ATP2B2: variants seen among roughly 807,000 people sequenced by gnomAD.
ATP2B2 encodes the protein ATPase plasma membrane Ca2+ transporting 2.
A neutral mutation model predicts 120.0 loss-of-function variants in ATP2B2; 15 were observed. The ratio of observed to expected loss-of-function variants is 0.12; its 90% CI spans 0.08 to 0.19. ATP2B2 has a LOEUF of 0.19. Ranked by LOEUF, ATP2B2 falls within the 10% of genes least tolerant of loss-of-function variation. The probability of loss-of-function intolerance (pLI) is 1.00; values close to 1 mark genes in which losing one functional copy is unlikely to be tolerated. For missense variants in ATP2B2, 1,045 were observed against 1,719.8 expected (o/e 0.61, Z 6.94); for synonymous variants, 694 against 700.3 (o/e 0.99, Z 0.14).
chr3:10,633,304 A>T (rs973125062), intron 1 of ATP2B2, among the ~76,000 whole-genome samples: 11 of 152,116 alleles, frequency 7.2e-5, no homozygotes, highest in African/African-American at 2.7e-4. Context: ...CCGCTTCCAA[A>T]AGGTTTCCAC....
At chr3:10,666,883 C>G (rs940447504) in intron 1 of ATP2B2, among the ~76,000 whole-genome samples, 2 of 152,222 alleles carry the variant, frequency 1.3e-5, no homozygotes, top group African/African-American at 4.8e-5. Flanking sequence ...ACACAGTGTT[C>G]TGCCCCCACG....
At chr3:10,418,646 C>T (rs905547218) in intron 2 of ATP2B2, among the ~76,000 whole-genome samples, 6 of 152,186 alleles carry the variant, frequency 3.9e-5, no homozygotes, top group East Asian at 1.9e-4. Flanking sequence ...AGATTGTTTT[C>T]GCCCCTGGTG....
intron 1 of ATP2B2, among the ~76,000 whole-genome samples, chr3:10,465,570 T>C (rs2064700981): frequency 2.6e-5 from 4 of 152,186 alleles, no homozygotes; most frequent in Admixed American, 1.3e-4. Context: ...AGAGTTTAGG[T>C]TTTGGGTTTA....
chr3:10,366,640 G>A (rs569804237), intron 12 of ATP2B2, among the ~76,000 whole-genome samples: 5 of 152,286 alleles, frequency 3.3e-5, no homozygotes, highest in Admixed American at 1.3e-4. Context: ...AAGTCCGCTC[G>A]GGTGGTTCCA....
chr3:10,383,004 T>TTC (rs2061575733), intron 8 of ATP2B2, among the ~76,000 whole-genome samples: 1 of 151,978 alleles, frequency 6.6e-6, no homozygotes, highest in African/African-American at 2.4e-5. Flanking sequence ...AAAATGCAGA[T>TTC]TCTCCTTCAG....
chr3:10,516,200 C>T (rs1186720331), intron 3 of ATP2B2, among the ~76,000 whole-genome samples: 1 of 152,232 alleles, frequency 6.6e-6, no homozygotes, highest in African/African-American at 2.4e-5. Context: ...TTCAGGACCC[C>T]TTTCTGATTT....
At chr3:10,700,893 T>C (rs1385156644) in intron 1 of ATP2B2, among the ~76,000 whole-genome samples, 3 of 152,150 alleles carry the variant, frequency 2.0e-5, no homozygotes, top group African/African-American at 7.2e-5. Context: ...TGGGGAAAAA[T>C]AGCAAACAGC....
Position 10,343,018 on chromosome 3 carries a change from A to C in ATP2B2, c.2704-53T>G, listed in dbSNP as rs570201839. ...CCTGTGCGCCCACCTGCTGCTGTGA[A>C]GTGCTGGGCGGGCTCATGGTGTAGT... On this transcript the variant is annotated intron_variant, in intron 18 of 22. Coordinates refer to ENST00000360273, the MANE Select transcript of ATP2B2 (RefSeq NM_001001331.4). This position sits in a 1 kb window ranked among gnomAD's most constrained non-coding sequence, Gnocchi z 4.2. 16 of 1,586,102 alleles carry C rather than the reference A, an allele frequency of 1.0e-5. No homozygotes were observed. The highest frequency in any genetic ancestry group is 3.8e-4 in the Middle Eastern group (2 of 5,206).
chr3:10,561,252 A>C (rs2067897288), intron 2 of ATP2B2, among the ~76,000 whole-genome samples: 1 of 152,254 alleles, frequency 6.6e-6, no homozygotes, highest in Admixed American at 6.5e-5. Context: ...GTATACAGAC[A>C]GTGCTCAACT....
chr3:10,423,645 A>G (rs2063060553), intron 2 of ATP2B2, among the ~76,000 whole-genome samples: 1 of 152,138 alleles, frequency 6.6e-6, no homozygotes, highest in Non-Finnish European at 1.5e-5. Flanking sequence ...AGGGGCCTCC[A>G]TGGTTGAGCG....
In ATP2B2 at chr3:10,518,043, G is replaced by C. The variant is rs375701900; in HGVS notation, c.-320+15996C>G. Among the ~76,000 whole-genome samples, 326 of 152,154 alleles carry C rather than the reference G, an allele frequency of 2.1e-3. 1 individual carries two copies. The highest frequency in any genetic ancestry group is 7.6e-3 in the African/African-American group (315 of 41,514). The stretch of plus-strand genomic sequence containing the variant: ...GCACAGCAAGAATGAAGGTAGGGTG[G>C]GGTTGGGGTGGGGAGGGCTTGAAAC... On this transcript the variant is annotated intron_variant, in intron 3 of 21. Transcript: ENST00000646379.
At chr3:10,471,470 C>A (rs142260871) in intron 1 of ATP2B2, among the ~76,000 whole-genome samples, 1 of 151,334 alleles carries the variant, frequency 6.6e-6, no homozygotes, top group African/African-American at 2.4e-5. Flanking sequence ...AAGCCTCTTA[C>A]TGGAGGGAGT....
chr3:10,627,506 T>C (rs2069737144), intron 1 of ATP2B2, among the ~76,000 whole-genome samples: 1 of 152,108 alleles, frequency 6.6e-6, no homozygotes, highest in Non-Finnish European at 1.5e-5. Context: ...ATCCTGCTCC[T>C]GCCACTTCTT....
rs190664875 is a variant in ATP2B2 at position 10,704,490 on chromosome 3, T to C, written c.-460+3425A>G. Among the ~76,000 whole-genome samples the C allele has an allele frequency of 2.6e-3, 391 of 152,272 alleles. 2 individuals carry two copies. The highest frequency in any genetic ancestry group is 8.7e-3 in the African/African-American group (363 of 41,520). Reference sequence around the variant, plus strand: ...CCCCCTGTTCAAAAACTGCTAAGAATTGCAATACGGTGACTGCAGAGCATT... The same window carrying C: ...CCCCCTGTTCAAAAACTGCTAAGAACTGCAATACGGTGACTGCAGAGCATT... On this transcript the variant is annotated intron_variant, in intron 1 of 21. Coordinates refer to the ATP2B2 transcript ENST00000646379.
At chr3:10,535,416 T>A (rs2067293955) in intron 2 of ATP2B2, among the ~76,000 whole-genome samples, 1 of 151,372 alleles carries the variant, frequency 6.6e-6, no homozygotes, top group African/African-American at 2.4e-5. Context: ...TGTGTGTGTG[T>A]GTAGCTCTAT....
At chr3:10,523,612 T>C (rs1470263692) in intron 3 of ATP2B2, among the ~76,000 whole-genome samples, 1 of 152,204 alleles carries the variant, frequency 6.6e-6, no homozygotes, top group Non-Finnish European at 1.5e-5. Context: ...CTCTGACACA[T>C]GGTGCAAATG....
At chr3:10,362,856 A>G (rs2060941185) in intron 12 of ATP2B2, among the ~76,000 whole-genome samples, 1 of 152,228 alleles carries the variant, frequency 6.6e-6, no homozygotes, top group South Asian at 2.1e-4. Context: ...CTATACATAT[A>G]TATACATATA....
chr3:10,540,252 C>T (rs1350117124), intron 2 of ATP2B2, among the ~76,000 whole-genome samples: 2 of 152,182 alleles, frequency 1.3e-5, no homozygotes, highest in East Asian at 1.9e-4. Context: ...GAAATAGGAA[C>T]ACTTTTACAC....
chr3:10,646,441 C>A (rs1057168860), intron 1 of ATP2B2, among the ~76,000 whole-genome samples: 12 of 152,138 alleles, frequency 7.9e-5, no homozygotes, highest in African/African-American at 2.7e-4. Context: ...ACCATTAAGA[C>A]ACCCCCGATC....
Sources: allele counts gnomAD v4.1 joint callset (sites outside exome capture counted in the v4.1 genomes callset), GRCh38; gene constraint gnomAD v4.1.1; non-coding constraint Gnocchi (gnomAD v3.1); transcripts MANE v1.5; gene names NCBI Gene and HGNC (gene_info 2026-07-23, HGNC 2026-07-21).